Variants in PDE10A observed in about 807,000 individuals in gnomAD.
PDE10A encodes cAMP and cAMP-inhibited cGMP 3',5'-cyclic phosphodiesterase 10A.
In PDE10A, 39 loss-of-function variants were observed where a neutral mutation model predicts 97.7. The observed-to-expected ratio is 0.40, with a 90% CI of 0.31 to 0.52. The LOEUF (loss-of-function observed/expected upper bound fraction) is 0.52. Among genes scored for constraint, PDE10A ranks in the 20% least tolerant of loss-of-function variants. The pLI, the probability that PDE10A is intolerant of heterozygous loss-of-function variation, is 0.56. For synonymous variants in PDE10A, 371 were observed against 376.8 expected (o/e 0.98, Z 0.18); for missense variants, 731 against 1,047.8 (o/e 0.70, Z 4.17).
chr6:165,463,051 C>T (rs1053630616), intron 3 of PDE10A, among the ~76,000 whole-genome samples: 3 of 152,190 alleles, frequency 2.0e-5, no homozygotes, highest in Non-Finnish European at 4.4e-5. Context: ...AGGTGCTGCA[C>T]AACGATTCCT....
At chr6:165,839,961 A>AACCTCG (rs1419785542) in intron 1 of PDE10A, among the ~76,000 whole-genome samples, 122 of 149,704 alleles carry the variant, frequency 8.1e-4, no homozygotes, top group East Asian at 9.8e-4. Context: ...CCCCATCTAC[A>AACCTCG]TCTCTGTCTT....
intron 1 of PDE10A, among the ~76,000 whole-genome samples, chr6:165,860,141 A>C (rs923268372): frequency 2.6e-5 from 4 of 152,182 alleles, no homozygotes; most frequent in Admixed American, 2.6e-4. Context: ...CACTTTAAAC[A>C]GTTAAATCCC....
intron 1 of PDE10A, among the ~76,000 whole-genome samples, chr6:165,546,337 C>T (rs1025547523): frequency 1.2e-4 from 18 of 152,074 alleles, no homozygotes; most frequent in African/African-American, 3.9e-4. Flanking sequence ...GACACTATAA[C>T]GATGAATACA....
At chr6:165,487,142 A>T (rs923114990) in intron 2 of PDE10A, among the ~76,000 whole-genome samples, 2 of 152,244 alleles carry the variant, frequency 1.3e-5, no homozygotes, top group Non-Finnish European at 2.9e-5. Flanking sequence ...CAGTGGCTTT[A>T]AAAATATGTT....
rs925237319 is a variant in PDE10A at position 165,819,999 on chromosome 6, G to A, written c.-615+167530C>T. Among the ~76,000 whole-genome samples the A allele has an allele frequency of 6.6e-6, 1 of 152,116 alleles. No homozygotes were observed. Among genetic ancestry groups the A allele is most frequent in the African/African-American group, 2.4e-5 (1 of 41,420 alleles). On this transcript the variant is annotated intron_variant, in intron 1 of 19. Transcript: ENST00000366882. The surrounding 1 kb of genome is among the most constrained non-coding windows in gnomAD (Gnocchi z 4.2). ...CAAGTTAGTAATATAAAATTTAGGAGAAAATTTTAAAAATGAAATATATTT... is the reference window on the plus strand; with the variant it reads ...CAAGTTAGTAATATAAAATTTAGGAAAAAATTTTAAAAATGAAATATATTT...
At chr6:165,692,779 C>T (rs1791338685) in intron 1 of PDE10A, among the ~76,000 whole-genome samples, 1 of 152,074 alleles carries the variant, frequency 6.6e-6, no homozygotes, top group South Asian at 2.1e-4. Flanking sequence ...CATATTGTAT[C>T]CACCTTTCCC....
intron 1 of PDE10A, among the ~76,000 whole-genome samples, chr6:165,551,849 T>C (rs1784032415): frequency 6.6e-6 from 1 of 152,184 alleles, no homozygotes. Context: ...AGAAGCCCCC[T>C]GGAGACCCAA....
intron 1 of PDE10A, among the ~76,000 whole-genome samples, chr6:165,760,347 A>T (rs922736105): frequency 1.3e-5 from 2 of 152,196 alleles, no homozygotes; most frequent in East Asian, 3.8e-4. Flanking sequence ...CAGCCACCGA[A>T]AAACCAGACA....
chr6:165,395,344 T>C (rs1786080948), intron 14 of PDE10A, 80 bp from the exon 15 acceptor site: 2 of 978,102 alleles, frequency 2.0e-6, no homozygotes, highest in African/African-American at 3.2e-5. Context: ...TTAACTTGTT[T>C]GTACCAAGGA....
chr6:165,344,313 A>C (rs1336829467), intron 18 of PDE10A, among the ~76,000 whole-genome samples: 1 of 152,234 alleles, frequency 6.6e-6, no homozygotes, highest in Non-Finnish European at 1.5e-5. Flanking sequence ...TAACAGAATA[A>C]TTAAGTGGTA....
chr6:165,353,472 G>A (rs1382384586), intron 18 of PDE10A, among the ~76,000 whole-genome samples: 1 of 152,144 alleles, frequency 6.6e-6, no homozygotes, highest in Non-Finnish European at 1.5e-5. Flanking sequence ...TCAAAACTTG[G>A]AAACAACAGT....
chr6:165,437,710 G>A (rs902277302), intron 5 of PDE10A, among the ~76,000 whole-genome samples: 2 of 152,148 alleles, frequency 1.3e-5, no homozygotes, highest in Non-Finnish European at 2.9e-5. Flanking sequence ...TGATATGAAG[G>A]CCCAAAACTC....
chr6:165,532,878 G>A (rs901539063), intron 2 of PDE10A, among the ~76,000 whole-genome samples: 11 of 151,928 alleles, frequency 7.2e-5, no homozygotes, highest in South Asian at 2.1e-4. Context: ...CTTACACACC[G>A]GAGTCACTGC....
chr6:165,952,316 A>G (rs1783990145), intron 1 of PDE10A, among the ~76,000 whole-genome samples: 1 of 152,228 alleles, frequency 6.6e-6, no homozygotes, highest in Admixed American at 6.5e-5. Context: ...GAGCATAACT[A>G]TACAGCTCCT....
At chr6:165,665,995 A>C (rs545564811), upstream of PDE10A, among the ~76,000 whole-genome samples, 48 of 152,312 alleles carry the variant, frequency 3.2e-4, no homozygotes, top group South Asian at 2.3e-3. Flanking sequence ...CCTGATTGTT[A>C]ATTTGGATTT....
chr6:165,400,985 A>T (rs1786617486), intron 13 of PDE10A, among the ~76,000 whole-genome samples: 1 of 152,256 alleles, frequency 6.6e-6, no homozygotes, highest in African/African-American at 2.4e-5. Flanking sequence ...TTTATACAAA[A>T]GAATTTTAGA....
intron 3 of PDE10A, among the ~76,000 whole-genome samples, chr6:165,477,714 G>A (rs557029754): frequency 1.1e-4 from 17 of 152,212 alleles, no homozygotes; most frequent in Non-Finnish European, 1.3e-4. Context: ...TTGAGACTTC[G>A]AAACATAGAG....
chr6:165,342,460 T>C (rs566378225), intron 19 of PDE10A, among the ~76,000 whole-genome samples: 1 of 152,360 alleles, frequency 6.6e-6, no homozygotes, highest in African/African-American at 2.4e-5. Context: ...GCCGGGAGTA[T>C]AATCAACTCA....
At chr6:165,968,550 C>T (rs530243435) in intron 1 of PDE10A, among the ~76,000 whole-genome samples, 2 of 152,292 alleles carry the variant, frequency 1.3e-5, no homozygotes, top group Non-Finnish European at 2.9e-5. Context: ...CCAAAATTTT[C>T]ACCATGTGAG....
Sources: allele counts gnomAD v4.1 joint callset (sites outside exome capture counted in the v4.1 genomes callset), GRCh38; gene constraint gnomAD v4.1.1; non-coding constraint Gnocchi (gnomAD v3.1); transcripts MANE v1.5; gene names NCBI Gene and HGNC (gene_info 2026-07-23, HGNC 2026-07-21).